GMDS: variants seen among roughly 807,000 people sequenced by gnomAD.
The protein encoded by GMDS is GDP-mannose 4,6 dehydratase.
GMDS carries 20 observed loss-of-function variants against 49.9 expected under a neutral mutation model. That is an observed-to-expected ratio of 0.40 (90% CI 0.28 to 0.58). The LOEUF is 0.58. GMDS is among the 20% of genes least tolerant of loss of function. GMDS has a pLI of 0.42. For synonymous variants in GMDS, 177 were observed against 178.6 expected (o/e 0.99, Z 0.07); for missense variants, 362 against 481.4 (o/e 0.75, Z 2.32).
intron 9 of GMDS, among the ~76,000 whole-genome samples, chr6:1,658,829 A>G (rs1175558013): frequency 6.6e-6 from 1 of 152,244 alleles, no homozygotes; most frequent in East Asian, 1.9e-4. Context: ...GCCCCAGCCA[A>G]GCTCGCAGTT....
chr6:2,032,948 A>G (rs1261865145), intron 4 of GMDS, among the ~76,000 whole-genome samples: 1 of 152,210 alleles, frequency 6.6e-6, no homozygotes, highest in Non-Finnish European at 1.5e-5. Flanking sequence ...GAACTTCTCA[A>G]ATTTCATTTT....
chr6:1,731,043 A>G lies in GMDS; in HGVS notation c.891-4531T>C, dbSNP rs569092419. Among the ~76,000 whole-genome samples, 4 of 152,326 alleles carry G rather than the reference A, an allele frequency of 2.6e-5. No homozygotes were observed. The East Asian group carries it at 7.7e-4, about 29-fold the overall frequency. On this transcript the variant is annotated intron_variant, in intron 8 of 10. Coordinates refer to ENST00000380815, the MANE Select transcript of GMDS (RefSeq NM_001500.4). ...TCCTCAGACAGAGAGATCAGGAAAG[A>G]TATCAAACAAACAAGAACAGGATAC...
chr6:2,031,846 A>G (rs1355301422), intron 4 of GMDS, among the ~76,000 whole-genome samples: 6 of 152,232 alleles, frequency 3.9e-5, no homozygotes, highest in Admixed American at 1.3e-4. Flanking sequence ...CTAAGTTGTA[A>G]CTTTAGAAAA....
In GMDS at chr6:1,625,946, A is replaced by G. The variant is rs78137765; in HGVS notation, c.988-1406T>C. ...TACATACAAATTAAAGAACAGCCTA[A>G]AAGGAGTTTCATCGTGTGAAAGTAA... On this transcript the variant is annotated intron_variant, in intron 9 of 10. Transcript: ENST00000380815. 9.5e-3 allele frequency among the ~76,000 whole-genome samples: 1,444 copies of G among 152,364 alleles called. 19 individuals are homozygous for G. Among genetic ancestry groups the G allele is most frequent in the Non-Finnish European group, 0.011 (722 of 68,040 alleles).
At chr6:1,933,835 T>G (rs533318837) in intron 6 of GMDS, among the ~76,000 whole-genome samples, 1 of 152,340 alleles carries the variant, frequency 6.6e-6, no homozygotes, top group East Asian at 1.9e-4. Flanking sequence ...TTTCACTTTC[T>G]TGGTTGTGCT....
chr6:2,168,305 A>G (rs765836342), intron 1 of GMDS, among the ~76,000 whole-genome samples: 13 of 152,202 alleles, frequency 8.5e-5, no homozygotes, highest in Non-Finnish European at 1.8e-4. Flanking sequence ...CAACAACAGC[A>G]TCCAAAACCA....
intron 4 of GMDS, among the ~76,000 whole-genome samples, chr6:2,079,515 C>A (rs1028989741): frequency 6.6e-6 from 1 of 152,056 alleles, no homozygotes; most frequent in Non-Finnish European, 1.5e-5. Context: ...AGGATTAGGA[C>A]TCCCTTAAGC....
chr6:1,646,086 C>G (rs1431070598), intron 9 of GMDS, among the ~76,000 whole-genome samples: 1 of 152,210 alleles, frequency 6.6e-6, no homozygotes, highest in Admixed American at 6.5e-5. Flanking sequence ...TGCAATTGTT[C>G]TTTTCCTGTT....
intron 1 of GMDS, among the ~76,000 whole-genome samples, chr6:2,189,936 T>C (rs752848076): frequency 3.9e-5 from 6 of 152,284 alleles, no homozygotes; most frequent in African/African-American, 1.4e-4. Context: ...GTTTCTGTTT[T>C]AATAATGGAG....
chr6:1,849,617 A>T (rs1030474912), intron 7 of GMDS, among the ~76,000 whole-genome samples: 1 of 152,240 alleles, frequency 6.6e-6, no homozygotes, highest in African/African-American at 2.4e-5. Flanking sequence ...AGTTATGTGG[A>T]ATAAAATAAT....
intron 10 of GMDS, 106 bp from the exon 11 acceptor site, chr6:1,624,337 G>T: frequency 7.7e-7 from 1 of 1,302,692 alleles, no homozygotes; most frequent in Non-Finnish European, 1.1e-6. Flanking sequence ...CCTCGTTCCA[G>T]CTCCCCTCAC....
At chr6:1,687,141 C>A (rs1765004114) in intron 9 of GMDS, among the ~76,000 whole-genome samples, 1 of 152,166 alleles carries the variant, frequency 6.6e-6, no homozygotes, top group African/African-American at 2.4e-5. Flanking sequence ...CCAGAGATGT[C>A]CTTACCTACA....
chr6:1,822,236 T>TTA (rs1355696887), intron 7 of GMDS, among the ~76,000 whole-genome samples: 18 of 152,352 alleles, frequency 1.2e-4, no homozygotes, highest in Non-Finnish European at 2.2e-4. Context: ...AATATCAACA[T>TTA]TATAAAATTA....
chr6:2,130,612 C>T (rs1168372197), intron 1 of GMDS, among the ~76,000 whole-genome samples: 1 of 152,178 alleles, frequency 6.6e-6, no homozygotes, highest in African/African-American at 2.4e-5. Flanking sequence ...GTAAGGCTAA[C>T]CAAGTATCAG....
intron 9 of GMDS, among the ~76,000 whole-genome samples, chr6:1,720,180 T>C (rs781104125): frequency 7.2e-5 from 11 of 152,202 alleles, no homozygotes; most frequent in Admixed American, 2.6e-4. Flanking sequence ...GTTGGGGTTA[T>C]TACAATCAGT....
chr6:2,232,251 GT>G (rs758598351), intron 1 of GMDS, among the ~76,000 whole-genome samples: 8 of 151,798 alleles, frequency 5.3e-5, no homozygotes, highest in Non-Finnish European at 1.2e-4. Context: ...TCAATCTCAG[GT>G]TTTTACCAGT....
chr6:1,835,202 T>C (rs1756869763), intron 7 of GMDS, among the ~76,000 whole-genome samples: 1 of 152,120 alleles, frequency 6.6e-6, no homozygotes, highest in African/African-American at 2.4e-5. Context: ...GACATGACAT[T>C]GAAACTGGCT....
intron 1 of GMDS, among the ~76,000 whole-genome samples, chr6:2,176,564 A>G (rs184838529): frequency 6.6e-6 from 1 of 152,230 alleles, no homozygotes; most frequent in African/African-American, 2.4e-5. Flanking sequence ...CATAGAAACC[A>G]CCTACTGGCT....
At chr6:1,905,288 G>A (rs913468012) in intron 7 of GMDS, among the ~76,000 whole-genome samples, 9 of 152,270 alleles carry the variant, frequency 5.9e-5, no homozygotes, top group Admixed American at 5.2e-4. Context: ...CTGTGCATCT[G>A]CATGTGGGGC....
Sources: gnomAD v4.1 joint callset for allele counts (sites outside exome capture counted in the v4.1 genomes callset) on GRCh38, gnomAD v4.1.1 for gene constraint, MANE v1.5 for transcripts, NCBI Gene and HGNC (gene_info 2026-07-23, HGNC 2026-07-21) for gene names.